SND1: variants seen among roughly 807,000 people sequenced by gnomAD.
The protein encoded by SND1 is staphylococcal nuclease domain-containing protein 1.
A neutral mutation model predicts 121.7 loss-of-function variants in SND1; 38 were observed. That is an observed-to-expected ratio of 0.31 (90% CI 0.24 to 0.41). SND1 has a LOEUF of 0.41. Ranked by LOEUF, SND1 falls within the 10% of genes least tolerant of loss-of-function variation. The pLI is 1.00. For missense variants in SND1, 868 were observed against 1,184.6 expected (o/e 0.73, Z 3.92); for synonymous variants, 401 against 447.4 (o/e 0.90, Z 1.31).
chr7:127,972,887 C>A (rs1325373907), intron 15 of SND1, among the ~76,000 whole-genome samples: 1 of 152,204 alleles, frequency 6.6e-6, no homozygotes, highest in Non-Finnish European at 1.5e-5. Context: ...GCCATTTTAC[C>A]CAACTGTTGT....
At chr7:127,959,669 C>T (rs1457741195) in intron 15 of SND1, among the ~76,000 whole-genome samples, 2 of 152,224 alleles carry the variant, frequency 1.3e-5, no homozygotes, top group African/African-American at 4.8e-5. Flanking sequence ...CCCATTCCCT[C>T]TCCCTCTTCC....
intron 16 of SND1, among the ~76,000 whole-genome samples, chr7:127,992,765 A>G (rs1231911829): frequency 2.0e-5 from 3 of 152,222 alleles, no homozygotes; most frequent in South Asian, 4.1e-4. Context: ...ATGAGATCCA[A>G]AAGTACAAGG....
At chr7:128,031,968 C>G (rs1792628531) in intron 16 of SND1, 1 of 151,392 alleles carries the variant, frequency 6.6e-6, no homozygotes, top group Non-Finnish European at 1.5e-5. Flanking sequence ...TCCCCGCTGG[C>G]TAGCGGCGGC....
chr7:128,077,171 C>T (rs891250846), intron 17 of SND1, among the ~76,000 whole-genome samples: 1 of 152,212 alleles, frequency 6.6e-6, no homozygotes, highest in African/African-American at 2.4e-5. Context: ...CACCTTGGCC[C>T]CTCGCCAGCC....
intron 11 of SND1, among the ~76,000 whole-genome samples, chr7:127,836,566 A>G (rs1798872406): frequency 6.6e-6 from 1 of 152,226 alleles, no homozygotes; most frequent in Non-Finnish European, 1.5e-5. Context: ...AGGTTGTTGC[A>G]GAGCTCAAAG....
intron 16 of SND1, chr7:128,030,608 G>A: frequency 6.3e-7 from 1 of 1,578,568 alleles, no homozygotes; most frequent in Non-Finnish European, 8.6e-7. Context: ...TCCAGGTGTG[G>A]TGGTGCACAG....
In SND1 at chr7:127,652,908, A is replaced by G. The variant is rs565770580; in HGVS notation, c.78+457A>G. Among the ~76,000 whole-genome samples the G allele has an allele frequency of 7.2e-5, 11 of 151,966 alleles. No homozygotes were observed. The South Asian group carries it at 1.7e-3, about 23-fold the overall frequency. Reference sequence around the variant, plus strand: ...CACAAACGCTGTTACTTGACTCCCAAGTTTTCTCACTCTGTGGCCCTCTTT... The same window carrying G: ...CACAAACGCTGTTACTTGACTCCCAGGTTTTCTCACTCTGTGGCCCTCTTT... On this transcript the variant is annotated intron_variant, in intron 1 of 23. Coordinates refer to ENST00000354725, the MANE Select transcript of SND1 (RefSeq NM_014390.4).
chr7:127,778,670 G>A (rs982971007), intron 10 of SND1, among the ~76,000 whole-genome samples: 3 of 152,136 alleles, frequency 2.0e-5, no homozygotes, highest in Admixed American at 6.5e-5. Flanking sequence ...TCTGTAAAAC[G>A]GTAATATTGT....
intron 4 of SND1, among the ~76,000 whole-genome samples, chr7:127,699,166 T>C (rs1587604393): frequency 6.6e-6 from 1 of 152,336 alleles, no homozygotes; most frequent in East Asian, 1.9e-4. Flanking sequence ...GCTTTGAGAC[T>C]AGGCAATTCT....
At chr7:127,870,515 G>T (rs983202146) in intron 12 of SND1, among the ~76,000 whole-genome samples, 3 of 152,094 alleles carry the variant, frequency 2.0e-5, no homozygotes, top group African/African-American at 7.2e-5. Flanking sequence ...GAGGCTGTAT[G>T]GTATAGCCTG....
intron 16 of SND1, among the ~76,000 whole-genome samples, chr7:128,038,324 G>A (rs1362612343): frequency 6.6e-6 from 1 of 152,218 alleles, no homozygotes; most frequent in Non-Finnish European, 1.5e-5. Flanking sequence ...CATCTCTGGA[G>A]TCAGACAGAC....
chr7:127,846,644 T>C (rs1341716963), intron 12 of SND1, among the ~76,000 whole-genome samples: 1 of 152,244 alleles, frequency 6.6e-6, no homozygotes, highest in Non-Finnish European at 1.5e-5. Context: ...TTATGAAGCA[T>C]AACTTGGATG....
chr7:127,701,379 C>A, intron 5 of SND1, 56 bp downstream of exon 5: 1 of 1,549,050 alleles, frequency 6.5e-7, no homozygotes, highest in Non-Finnish European at 8.8e-7. Context: ...TCTGTTTGCA[C>A]TCTTTGCTTC....
intron 13 of SND1, 47 bp from the exon 14 acceptor site, chr7:127,904,700 C>G: frequency 7.6e-7 from 1 of 1,311,586 alleles, no homozygotes; most frequent in Non-Finnish European, 1.1e-6. Flanking sequence ...CTACCCCTTC[C>G]CATTGTGATT....
chr7:127,708,876 C>G (rs1367867400), intron 9 of SND1, among the ~76,000 whole-genome samples: 1 of 152,158 alleles, frequency 6.6e-6, no homozygotes, highest in Non-Finnish European at 1.5e-5. Context: ...GTTCTGTCTC[C>G]CTGTCAACTA....
At chr7:127,787,953 G>C (rs1157816126) in intron 10 of SND1, among the ~76,000 whole-genome samples, 1 of 152,168 alleles carries the variant, frequency 6.6e-6, no homozygotes, top group African/African-American at 2.4e-5. Flanking sequence ...ATTTAATGGA[G>C]ACATTTCCAC....
intron 15 of SND1, among the ~76,000 whole-genome samples, chr7:127,958,068 G>A (rs1033800623): frequency 2.0e-5 from 3 of 152,188 alleles, no homozygotes; most frequent in Non-Finnish European, 2.9e-5. Context: ...GCAGGTGTCC[G>A]TGTTGAAGGC....
chr7:127,900,581 C>T (rs914730429), intron 13 of SND1, among the ~76,000 whole-genome samples: 2 of 152,194 alleles, frequency 1.3e-5, no homozygotes, highest in African/African-American at 4.8e-5. Flanking sequence ...AGAGGAAAAG[C>T]AGCAGCTAAT....
intron 10 of SND1, among the ~76,000 whole-genome samples, chr7:127,791,338 A>C (rs1007797709): frequency 6.6e-6 from 1 of 151,988 alleles, no homozygotes; most frequent in Non-Finnish European, 1.5e-5. Flanking sequence ...TTTTTTGTAG[A>C]GACAGGGTCT....
Sources: gnomAD v4.1 joint callset for allele counts (sites outside exome capture counted in the v4.1 genomes callset) on GRCh38, gnomAD v4.1.1 for gene constraint, MANE v1.5 for transcripts, NCBI Gene and HGNC (gene_info 2026-07-23, HGNC 2026-07-21) for gene names.